Variants in DAB1 observed in about 807,000 individuals in gnomAD.
DAB1 encodes the protein disabled homolog 1.
A neutral mutation model predicts 64.6 loss-of-function variants in DAB1; 15 were observed. The ratio of observed to expected loss-of-function variants is 0.23; its 90% CI spans 0.16 to 0.36. The LOEUF (loss-of-function observed/expected upper bound fraction) is 0.36, where lower values mean the gene tolerates loss of function less well. Ranked by LOEUF, DAB1 falls within the 10% of genes least tolerant of loss-of-function variation. The pLI, the probability that DAB1 is intolerant of heterozygous loss-of-function variation, is 1.00. For synonymous variants in DAB1, 235 were observed against 251.9 expected, an observed-to-expected ratio of 0.93 and a Z score of 0.64; for missense variants, 596 against 706.7, an observed-to-expected ratio of 0.84 and a Z score of 1.78.
chr1:58,056,237 T>C (rs751169389), intron 5 of DAB1: 9 of 1,418,658 alleles, frequency 6.3e-6, no homozygotes, highest in Non-Finnish European at 8.8e-6. Context: ...CTGACTACTT[T>C]GCTGTGAATT....
chr1:57,980,439 A>G (rs763820394), intron 5 of DAB1, among the ~76,000 whole-genome samples: 1 of 152,178 alleles, frequency 6.6e-6, no homozygotes, highest in Non-Finnish European at 1.5e-5. Flanking sequence ...GAAATAAATT[A>G]ACAAATGGGG....
chr1:57,581,312 G>A (rs898505321), intron 7 of DAB1, among the ~76,000 whole-genome samples: 7 of 152,212 alleles, frequency 4.6e-5, no homozygotes, highest in Non-Finnish European at 8.8e-5. Flanking sequence ...AAAATAAAAT[G>A]AGCGACCTAA....
intron 7 of DAB1, among the ~76,000 whole-genome samples, chr1:57,586,374 T>C (rs143070136): frequency 4.1e-4 from 62 of 152,310 alleles, no homozygotes; most frequent in African/African-American, 1.5e-3. Context: ...ATGTCTTTGT[T>C]TATTGGTCTG....
chr1:57,082,134 A>C (rs1652610697), intron 4 of DAB1, among the ~76,000 whole-genome samples: 1 of 152,214 alleles, frequency 6.6e-6, no homozygotes, highest in Admixed American at 6.5e-5. Flanking sequence ...AGAATCAGAG[A>C]AGGCAAATAC....
At chr1:57,368,080 G>A (rs1054005156) in intron 1 of DAB1, among the ~76,000 whole-genome samples, 6 of 152,182 alleles carry the variant, frequency 3.9e-5, no homozygotes, top group African/African-American at 1.4e-4. Flanking sequence ...GGTGAGCCTG[G>A]GCACTGTCAC....
intron 4 of DAB1, among the ~76,000 whole-genome samples, chr1:57,097,263 G>C (rs575438210): frequency 5.3e-5 from 8 of 152,298 alleles, no homozygotes; most frequent in African/African-American, 1.9e-4. Flanking sequence ...GATAGGCTAA[G>C]TTAACCATAA....
chr1:57,523,711 C>T (rs992333938), intron 7 of DAB1, among the ~76,000 whole-genome samples: 1 of 152,032 alleles, frequency 6.6e-6, no homozygotes. Context: ...TACTTGAGGC[C>T]TGGAGTTTGT....
chr1:58,474,580 G>T (rs1198701857), intron 3 of DAB1, among the ~76,000 whole-genome samples: 1 of 152,150 alleles, frequency 6.6e-6, no homozygotes, highest in Non-Finnish European at 1.5e-5. Flanking sequence ...TCCTGAGGCT[G>T]CTGGGCCTTT....
chr1:57,092,922 C>CA (rs538522207), intron 4 of DAB1, among the ~76,000 whole-genome samples: 191 of 152,062 alleles, frequency 1.3e-3, no homozygotes, highest in Non-Finnish European at 2.3e-3. Context: ...CTTTTCTAGG[C>CA]AAAAAATGTA....
At chr1:58,282,488 T>C (rs1661585503) in intron 4 of DAB1, among the ~76,000 whole-genome samples, 1 of 152,214 alleles carries the variant, frequency 6.6e-6, no homozygotes, top group South Asian at 2.1e-4. Flanking sequence ...AGTTTTCTGC[T>C]TATTTATAGC....
At chr1:57,587,591 G>T (rs898306864) in intron 7 of DAB1, among the ~76,000 whole-genome samples, 8 of 152,144 alleles carry the variant, frequency 5.3e-5, no homozygotes, top group African/African-American at 1.9e-4. Context: ...TTACCACAAG[G>T]TTATAATAGT....
chr1:58,422,065 G>C (rs2100223239), intron 3 of DAB1, among the ~76,000 whole-genome samples: 1 of 151,878 alleles, frequency 6.6e-6, no homozygotes, highest in Non-Finnish European at 1.5e-5. Flanking sequence ...TTGCCTCATG[G>C]AACAAGGGTT....
At position 58,003,233 on chromosome 1, in the gene DAB1, C is replaced by T. The variant is rs539052687; in HGVS notation, n.388-119071G>A. 3.9e-5 allele frequency among the ~76,000 whole-genome samples: 6 copies of T among 152,212 alleles called. No homozygotes were observed. In the East Asian group the frequency reaches 1.2e-3, roughly 29 times the overall value. On this transcript the variant is annotated intron_variant and non_coding_transcript_variant, in intron 5 of 20. Coordinates refer to the DAB1 transcript ENST00000485760. The stretch of plus-strand genomic sequence containing the variant: ...GGCATAGTAGGAACTCAAAATAAGC[C>T]CTTTCTTTTTCAGGCTATTGAGTGT...
At chr1:57,476,194 C>T (rs1643934213) in intron 7 of DAB1, among the ~76,000 whole-genome samples, 1 of 150,180 alleles carries the variant, frequency 6.7e-6, no homozygotes, top group Non-Finnish European at 1.5e-5. Context: ...CCACTGTACT[C>T]CAGCCTGGGC....
At chr1:57,572,191 C>T (rs1222283364) in intron 7 of DAB1, among the ~76,000 whole-genome samples, 2 of 152,178 alleles carry the variant, frequency 1.3e-5, no homozygotes, top group Non-Finnish European at 2.9e-5. Context: ...TAGGCCAAAA[C>T]CACATGAATG....
chr1:57,533,869 A>G (rs1265791380), intron 7 of DAB1, among the ~76,000 whole-genome samples: 2 of 152,046 alleles, frequency 1.3e-5, no homozygotes, highest in Non-Finnish European at 2.9e-5. Context: ...TAATCTCATG[A>G]CCCCTGTGAT....
intron 6 of DAB1, among the ~76,000 whole-genome samples, chr1:57,660,143 T>C (rs1646369121): frequency 6.6e-6 from 1 of 152,114 alleles, no homozygotes; most frequent in East Asian, 1.9e-4. Context: ...GGAAAGATAT[T>C]AGATAATATC....
chr1:58,063,625 A>G (rs1648649934), intron 5 of DAB1, among the ~76,000 whole-genome samples: 1 of 152,200 alleles, frequency 6.6e-6, no homozygotes, highest in African/African-American at 2.4e-5. Context: ...GGTGTCTCAG[A>G]GCCCTGAGTT....
chr1:57,137,424 T>A (rs1156464775), intron 3 of DAB1, among the ~76,000 whole-genome samples: 3 of 152,166 alleles, frequency 2.0e-5, no homozygotes. Flanking sequence ...GCTAGATGAA[T>A]ATGTGCTATC....
Sources: gnomAD v4.1 joint callset for allele counts (sites outside exome capture counted in the v4.1 genomes callset) on GRCh38, gnomAD v4.1.1 for gene constraint, MANE v1.5 for transcripts, NCBI Gene and HGNC (gene_info 2026-07-23, HGNC 2026-07-21) for gene names.